CDH2: variants seen among roughly 807,000 people sequenced by gnomAD.
The protein encoded by CDH2 is cadherin-2.
CDH2 carries 17 observed loss-of-function variants against 92.0 expected under a neutral mutation model. That is an observed-to-expected ratio of 0.18 (90% CI 0.13 to 0.28). The LOEUF (loss-of-function observed/expected upper bound fraction) is 0.28, where lower values mean the gene tolerates loss of function less well. CDH2 is among the 10% of genes least tolerant of loss of function. The pLI is 1.00. For missense variants in CDH2, 862 were observed against 1,133.1 expected, an observed-to-expected ratio of 0.76 and a Z score of 3.44; for synonymous variants, 419 against 415.9, an observed-to-expected ratio of 1.01 and a Z score of -0.09.
intron 2 of CDH2, among the ~76,000 whole-genome samples, chr18:28,130,696 C>T (rs1245178790): frequency 6.6e-6 from 1 of 152,156 alleles, no homozygotes; most frequent in Non-Finnish European, 1.5e-5. Flanking sequence ...TGGGCTCTGT[C>T]CCCAGTGACT....
rs919315497 is a variant in CDH2, at chr18:27,951,246, A to T, written c.*907T>A. ...CCCCAAACCAAAAAGAAAATAAAAA[A>T]TAAAAAAATTAAAAAAATTAAAAAT... On this transcript the variant is annotated 3_prime_UTR_variant, in exon 16 of 16. Transcript: ENST00000269141. 2.0e-5 allele frequency: 3 copies of T among 151,798 alleles called. No individual in the cohort carries two copies. The highest frequency in any genetic ancestry group is 1.3e-4 in the Admixed American group (2 of 15,234). The allele number at this position is 151,798 out of a possible 1,614,324, so 9.4% of individuals were successfully genotyped here. A position where few individuals can be genotyped will look rare whatever the true frequency, so the allele number is the denominator to read the frequency against.
intron 1 of CDH2, among the ~76,000 whole-genome samples, chr18:28,166,096 G>T (rs1365961561): frequency 1.5e-5 from 2 of 135,056 alleles, no homozygotes; most frequent in Admixed American, 7.9e-5. Context: ...AGGTGGACAG[G>T]TCTCAATTTA....
In CDH2 at chr18:28,177,075, CGGCGGCGGAGGA is replaced by C; in HGVS notation, c.-65_-54del. On this transcript the variant is annotated 5_prime_UTR_variant, in exon 1 of 16. Transcript: ENST00000269141. ...CCGGAGGAGGCGGCGGCGGCGGCGG[CGGCGGCGGAGGA>C]GGAGGAGGCAGCGGCAGCACCAACA... 1 of 1,368,212 alleles carries C rather than the reference CGGCGGCGGAGGA, an allele frequency of 7.3e-7. No individual in the cohort carries two copies. Among genetic ancestry groups the C allele is most frequent in the South Asian group, 1.3e-5 (1 of 76,056 alleles). The allele number at this position is 1,368,212 out of a possible 1,614,324, so 84.8% of individuals were successfully genotyped here.
intron 2 of CDH2, chr18:28,045,577 C>A: frequency 2.8e-6 from 1 of 353,930 alleles, no homozygotes; most frequent in Non-Finnish European, 5.6e-6. Flanking sequence ...GCTAGCCTAT[C>A]TGAGTGGAAC....
intron 2 of CDH2, among the ~76,000 whole-genome samples, chr18:28,105,996 C>T (rs567183640): frequency 9.8e-5 from 15 of 152,308 alleles, no homozygotes; most frequent in African/African-American, 3.6e-4. Flanking sequence ...TCTTTAATAT[C>T]CTCAAGATGT....
intron 2 of CDH2, among the ~76,000 whole-genome samples, chr18:28,084,501 A>C (rs2014889543): frequency 6.6e-6 from 1 of 152,082 alleles, no homozygotes; most frequent in Non-Finnish European, 1.5e-5. Flanking sequence ...TCCAAGTCAC[A>C]TAGCAGAAGA....
At chr18:28,115,476 A>G (rs564296075) in intron 2 of CDH2, among the ~76,000 whole-genome samples, 13 of 152,250 alleles carry the variant, frequency 8.5e-5, no homozygotes, top group African/African-American at 3.1e-4. Context: ...ATTATCAAAC[A>G]TGGGCCAGGG....
intron 2 of CDH2, among the ~76,000 whole-genome samples, chr18:28,115,912 G>A (rs535628427): frequency 4.3e-4 from 65 of 152,096 alleles, no homozygotes; most frequent in Non-Finnish European, 6.6e-4. Context: ...AGTTTGCCAC[G>A]TTATTCTTTC....
rs1427447832 is a variant in CDH2, at chr18:28,103,220, AT to A, written c.172+44452del. On this transcript the variant is annotated intron_variant, in intron 2 of 15. Coordinates refer to ENST00000269141, the MANE Select transcript of CDH2 (RefSeq NM_001792.5). ...CTTTATATATATATAAAGTACATAT[AT>A]AAAAACTCCTTTATATATATATAAA... is the stretch of plus-strand genomic sequence containing the variant. Among the ~76,000 whole-genome samples, 246 of 143,722 alleles carry A rather than the reference AT, an allele frequency of 1.7e-3. 4 individuals carry two copies. The highest frequency in any genetic ancestry group is 6.2e-3 in the African/African-American group (238 of 38,264). 94.3% of individuals were successfully genotyped at this position (143,722 alleles called of 152,430 possible).
At chr18:27,972,624 G>A (rs1482821379) in intron 14 of CDH2, among the ~76,000 whole-genome samples, 1 of 152,226 alleles carries the variant, frequency 6.6e-6, no homozygotes, top group African/African-American at 2.4e-5. Flanking sequence ...AAGGATGACA[G>A]TGAAGTTATC....
chr18:28,053,003 C>T (rs768427902), intron 2 of CDH2, among the ~76,000 whole-genome samples: 7 of 152,024 alleles, frequency 4.6e-5, no homozygotes, highest in African/African-American at 7.2e-5. Context: ...TATAAAAAGA[C>T]GAATTTTGGA....
At chr18:28,128,215 C>T (rs1219572279) in intron 2 of CDH2, among the ~76,000 whole-genome samples, 2 of 152,138 alleles carry the variant, frequency 1.3e-5, no homozygotes, top group African/African-American at 2.4e-5. Context: ...AAATAGGTCA[C>T]ATCAGAATAC....
intron 2 of CDH2, among the ~76,000 whole-genome samples, chr18:28,020,229 A>T (rs2013371102): frequency 1.3e-5 from 2 of 152,048 alleles, no homozygotes; most frequent in Admixed American, 1.3e-4. Context: ...TTTTACACAA[A>T]CTTAAAAGTT....
chr18:27,968,013 A>C (rs1231807070), intron 14 of CDH2, among the ~76,000 whole-genome samples: 2 of 152,342 alleles, frequency 1.3e-5, no homozygotes, highest in East Asian at 3.9e-4. Context: ...GAGTAATGCA[A>C]ACACTCACTC....
intron 1 of CDH2, among the ~76,000 whole-genome samples, chr18:28,164,758 G>T (rs2016354930): frequency 6.6e-6 from 1 of 152,100 alleles, no homozygotes; most frequent in African/African-American, 2.4e-5. Flanking sequence ...GACAGATCTA[G>T]GAGGAGACAA....
At chr18:28,037,358 A>G (rs1439296771) in intron 2 of CDH2, among the ~76,000 whole-genome samples, 1 of 152,212 alleles carries the variant, frequency 6.6e-6, no homozygotes, top group Non-Finnish European at 1.5e-5. Flanking sequence ...ATAGGTTGCC[A>G]GCATGAAGGC....
At chr18:28,057,941 T>C (rs2014327077) in intron 2 of CDH2, among the ~76,000 whole-genome samples, 1 of 152,164 alleles carries the variant, frequency 6.6e-6, no homozygotes, top group South Asian at 2.1e-4. Context: ...GGAAAAAATA[T>C]TGGTTTGGTG....
At chr18:28,071,454 T>C (rs1312676824) in intron 2 of CDH2, among the ~76,000 whole-genome samples, 3 of 152,140 alleles carry the variant, frequency 2.0e-5, no homozygotes, top group Non-Finnish European at 4.4e-5. Context: ...AGGGACATTC[T>C]GTCCGTAACT....
intron 2 of CDH2, among the ~76,000 whole-genome samples, chr18:28,098,775 G>GT (rs891380280): frequency 6.6e-6 from 1 of 152,118 alleles, no homozygotes; most frequent in African/African-American, 2.4e-5. Flanking sequence ...GTAAGGCAGA[G>GT]AATCTACTTG....
Sources: gnomAD v4.1 joint callset for allele counts (sites outside exome capture counted in the v4.1 genomes callset) on GRCh38, gnomAD v4.1.1 for gene constraint, MANE v1.5 for transcripts, NCBI Gene and HGNC (gene_info 2026-07-23, HGNC 2026-07-21) for gene names.